The following SPINT1 variants were observed in gnomAD, a reference collection of about 807,000 sequenced individuals.
SPINT1 encodes serine peptidase inhibitor, Kunitz type 1.
SPINT1 carries 38 observed loss-of-function variants against 53.7 expected under a neutral mutation model. The ratio of observed to expected loss-of-function variants is 0.71; its 90% CI spans 0.55 to 0.93. The LOEUF is 0.93. Among genes scored for constraint, SPINT1 ranks in the 40% least tolerant of loss-of-function variants. The pLI is 0.00. For missense variants in SPINT1, 645 were observed against 692.9 expected (o/e 0.93, Z 0.78); for synonymous variants, 283 against 280.6 (o/e 1.01, Z -0.08).
At chr15:40,850,699 T>C (rs1180226967) in intron 2 of SPINT1, among the ~76,000 whole-genome samples, 2 of 152,152 alleles carry the variant, frequency 1.3e-5, no homozygotes, top group Non-Finnish European at 2.9e-5. Context: ...CCCAGCGTTG[T>C]TTCTCACATC....
In SPINT1 at chr15:40,853,659, C is replaced by A. The variant is rs747444395; in HGVS notation, c.742+32C>A. 9 of 1,613,834 alleles carry A rather than the reference C, an allele frequency of 5.6e-6. No homozygotes were observed. The African/African-American group carries it at 8.0e-5, about 14-fold the overall frequency. Reference sequence around the variant, plus strand: ...GAGGGGTGAGGAGCAGCACCTGGAGCCCCCGCTGTGCGGATTGGCCGCACG... The same window carrying A: ...GAGGGGTGAGGAGCAGCACCTGGAGACCCCGCTGTGCGGATTGGCCGCACG... On this transcript the variant is annotated intron_variant, in intron 4 of 10. Coordinates refer to ENST00000562057, the MANE Select transcript of SPINT1 (RefSeq NM_003710.4).
rs762551018 is a variant in SPINT1 at position 40,844,935 on chromosome 15, CG to C, written c.382del (p.Val128CysfsTer42). ...LINCLYEQNF[V>X]CKFAPREGFI... is the part of the protein sequence containing the mutation. ...TCAACTGCCTCTACGAGCAGAACTT[CG>C]TGTGCAAGTTCGCGCCCAGGGAGGG... On this transcript the variant is annotated frameshift_variant, in exon 2 of 11. Transcript: ENST00000562057. LOFTEE classifies it high-confidence loss of function. The surrounding 1 kb of genome is among the most constrained non-coding windows in gnomAD (Gnocchi z 5.8). 1 of 1,614,018 alleles carries C rather than the reference CG, an allele frequency of 6.2e-7. No individual in the cohort carries two copies. Among genetic ancestry groups the C allele is most frequent in the South Asian group, 1.1e-5 (1 of 91,084 alleles).
intron 5 of SPINT1, 73 bp downstream of exon 5, chr15:40,853,954 C>T (rs1891547200): frequency 3.1e-6 from 5 of 1,612,034 alleles, no homozygotes; most frequent in Admixed American, 1.7e-5. Flanking sequence ...TCTTCTGTGG[C>T]CAGGGAGGTG....
chr15:40,844,704 C>A lies in SPINT1; in HGVS notation c.150C>A (p.Cys50Ter). Residue 50 changes from cysteine to a stop codon, truncating the protein, a stop_gained, in exon 2 of 11, where the codon TGC becomes TGA. Coordinates refer to ENST00000562057, the MANE Select transcript of SPINT1 (RefSeq NM_003710.4). LOFTEE classifies it high-confidence loss of function. This position sits in a 1 kb window ranked among gnomAD's most constrained non-coding sequence, Gnocchi z 5.8. ...APPGLPAGAD[C>*]LNSFTAGVPG... is the part of the protein sequence containing the mutation. Reference sequence around the variant, plus strand: ...CTGGGCTGCCCGCGGGAGCCGACTGCCTGAACAGCTTTACCGCCGGGGTGC... The same window carrying A: ...CTGGGCTGCCCGCGGGAGCCGACTGACTGAACAGCTTTACCGCCGGGGTGC... The A allele has an allele frequency of 1.2e-6, 2 of 1,608,832 alleles. No individual in the cohort carries two copies. The highest frequency in any genetic ancestry group is 1.7e-6 in the Non-Finnish European group (2 of 1,177,494).
chr15:40,851,519 C>CA (rs1019678831), intron 2 of SPINT1, among the ~76,000 whole-genome samples: 13 of 151,464 alleles, frequency 8.6e-5, no homozygotes, highest in African/African-American at 3.2e-4. Context: ...ACAAAAAAAT[C>CA]AAAAAATCCT....
At chr15:40,849,629 C>A (rs188425803) in intron 2 of SPINT1, among the ~76,000 whole-genome samples, 3 of 152,356 alleles carry the variant, frequency 2.0e-5, no homozygotes, top group African/African-American at 7.2e-5. Flanking sequence ...ATTAAAATCA[C>A]AACCTCTGAG....
Position 40,844,246 on chromosome 15 carries a change from G to A in SPINT1, c.-66+60G>A. ...AGGCGGAGCGGGCTGGAGCATGTCC[G>A]GCCCTTTGTTCTGCGCTCGTGCGTG... On this transcript the variant is annotated intron_variant, in intron 1 of 10. Coordinates refer to ENST00000562057, the MANE Select transcript of SPINT1 (RefSeq NM_003710.4). This position sits in a 1 kb window ranked among gnomAD's most constrained non-coding sequence, Gnocchi z 5.8. 2 of 490,662 alleles carry A rather than the reference G, an allele frequency of 4.1e-6. No homozygotes were observed. Among genetic ancestry groups the A allele is most frequent in the South Asian group, 4.1e-5 (2 of 48,200 alleles). 30.4% of individuals were successfully genotyped at this position (490,662 alleles called of 1,614,324 possible).
chr15:40,850,168 G>A (rs913748124), intron 2 of SPINT1, among the ~76,000 whole-genome samples: 1 of 152,196 alleles, frequency 6.6e-6, no homozygotes, highest in Non-Finnish European at 1.5e-5. Flanking sequence ...CGCCTCCTGA[G>A]TTCAAGCAAT....
intron 2 of SPINT1, among the ~76,000 whole-genome samples, chr15:40,851,888 G>A (rs1234986490): frequency 6.6e-6 from 1 of 152,172 alleles, no homozygotes; most frequent in Non-Finnish European, 1.5e-5. Context: ...GGGCATGGTT[G>A]TGCACACCTG....
At position 40,857,329 on chromosome 15, in the gene SPINT1, C is replaced by T. The variant is rs1291379010; in HGVS notation, c.*354C>T. ...TGGTGTCAGACCCTGGAGGCCCCAA[C>T]CCTGTCCTCCCGAGCTCCTCTTCCA... On this transcript the variant is annotated 3_prime_UTR_variant, in exon 11 of 11. Transcript: ENST00000562057. 2 of 282,106 alleles carry T rather than the reference C, an allele frequency of 7.1e-6. No homozygotes were observed. The highest frequency in any genetic ancestry group is 1.3e-5 in the Non-Finnish European group (2 of 149,588). The allele number at this position is 282,106 out of a possible 1,614,324, so 17.5% of individuals were successfully genotyped here.
chr15:40,853,702 C>G lies in SPINT1; in HGVS notation c.743-9C>G. 1 of 1,614,022 alleles carries G rather than the reference C, an allele frequency of 6.2e-7. No homozygotes were observed. On this transcript the variant is annotated splice_polypyrimidine_tract_variant and intron_variant, in intron 4 of 10. Transcript: ENST00000562057. ...GCCGCACGGTCCCCTCATAAGCTCT[C>G]CCCCCTAGACTACTGCCTCGCATCC...
chr15:40,854,341 G>A, intron 6 of SPINT1, 56 bp from the exon 7 acceptor site: 2 of 1,512,262 alleles, frequency 1.3e-6, no homozygotes, highest in East Asian at 2.3e-5. Flanking sequence ...CAAGTAGAAG[G>A]TGGGCCCTGG....
chr15:40,856,730 A>T, intron 10 of SPINT1, 40 bp from the exon 11 acceptor site: 1 of 1,611,514 alleles, frequency 6.2e-7, no homozygotes, highest in Non-Finnish European at 8.5e-7. Context: ...AGAACCAGGC[A>T]GGCCCTGGGA....
intron 2 of SPINT1, among the ~76,000 whole-genome samples, chr15:40,846,591 A>G (rs1489659163): frequency 6.6e-6 from 1 of 152,186 alleles, no homozygotes. Flanking sequence ...TCTCTGGTAA[A>G]AACCTAGCAT....
chr15:40,855,304 C>A (rs888594195), intron 8 of SPINT1, among the ~76,000 whole-genome samples: 18 of 152,162 alleles, frequency 1.2e-4, no homozygotes, highest in Admixed American at 3.9e-4. Flanking sequence ...TCACTTGAAC[C>A]TGGGAGGTAG....
chr15:40,853,281 C>T lies in SPINT1; in HGVS notation c.603+30C>T, dbSNP rs372401474. The T allele has an allele frequency of 4.3e-6, 7 of 1,613,162 alleles. No homozygotes were observed. The African/African-American group carries it at 6.7e-5, about 15-fold the overall frequency. On this transcript the variant is annotated intron_variant, in intron 3 of 10. Transcript: ENST00000562057. Reference sequence around the variant, plus strand: ...GACACTGGGCTGACTCTGACCCCGCCCTCTGCCTGCCAGCCTTCTTGGAGC... The same window carrying T: ...GACACTGGGCTGACTCTGACCCCGCTCTCTGCCTGCCAGCCTTCTTGGAGC...
At chr15:40,853,384 A>G in intron 3 of SPINT1, 105 bp from the exon 4 acceptor site, 6 of 1,598,728 alleles carry the variant, frequency 3.8e-6, no homozygotes, top group East Asian at 2.2e-5. Flanking sequence ...ATTTAATCCA[A>G]CTCCCCCTGG....
intron 7 of SPINT1, 50 bp from the exon 8 acceptor site, chr15:40,854,589 C>G: frequency 3.1e-6 from 5 of 1,614,154 alleles, no homozygotes; most frequent in African/African-American, 1.3e-5. Flanking sequence ...TGCCCTGAAC[C>G]CCTGGGAGAC....
chr15:40,852,764 G>A (rs1891498032), intron 2 of SPINT1, among the ~76,000 whole-genome samples: 2 of 151,650 alleles, frequency 1.3e-5, no homozygotes, highest in Non-Finnish European at 2.9e-5. Flanking sequence ...AGCTACTCAC[G>A]AGGCCGAGGC....
Sources: gnomAD v4.1 joint callset for allele counts (sites outside exome capture counted in the v4.1 genomes callset) on GRCh38, gnomAD v4.1.1 for gene constraint, Gnocchi (gnomAD v3.1) non-coding constraint, MANE v1.5 for transcripts, NCBI Gene and HGNC (gene_info 2026-07-23, HGNC 2026-07-21) for gene names.